ZMAT4: variants seen among roughly 807,000 people sequenced by gnomAD.
The protein encoded by ZMAT4 is zinc finger matrin-type 4.
In ZMAT4, 17 loss-of-function variants were observed where a neutral mutation model predicts 28.7. The observed-to-expected ratio is 0.59, with a 90% confidence interval of 0.41 to 0.89. ZMAT4 has a LOEUF of 0.89. Among genes scored for constraint, ZMAT4 ranks in the 40% least tolerant of loss-of-function variants. The pLI is 0.00. For synonymous variants in ZMAT4, 117 were observed against 109.2 expected, an observed-to-expected ratio of 1.07 and a Z score of -0.44; for missense variants, 240 against 283.8, an observed-to-expected ratio of 0.85 and a Z score of 1.11.
chr8:40,667,549 C>T (rs779548997), intron 5 of ZMAT4, among the ~76,000 whole-genome samples: 11 of 152,172 alleles, frequency 7.2e-5, no homozygotes, highest in Non-Finnish European at 1.2e-4. Context: ...ATCATCTCCA[C>T]GTAAGCAGTT....
intron 2 of ZMAT4, among the ~76,000 whole-genome samples, chr8:40,772,941 A>T (rs190167543): frequency 9.5e-4 from 145 of 152,004 alleles, no homozygotes; most frequent in African/African-American, 3.4e-3. Flanking sequence ...GAGATGAGGG[A>T]CTCCATCACA....
chr8:40,652,749 A>C (rs1277907661), intron 5 of ZMAT4, among the ~76,000 whole-genome samples: 1 of 123,816 alleles, frequency 8.1e-6, no homozygotes. Flanking sequence ...AATACTATGC[A>C]GCCATAAAAA....
chr8:40,553,187 C>A (rs1282911285), intron 6 of ZMAT4, among the ~76,000 whole-genome samples: 1 of 152,188 alleles, frequency 6.6e-6, no homozygotes, highest in Admixed American at 6.5e-5. Context: ...CTCCTGCCCA[C>A]AGCCGTGTGA....
chr8:40,808,717 A>C, intron 2 of ZMAT4: 1 of 260,842 alleles, frequency 3.8e-6, no homozygotes, highest in East Asian at 1.1e-4. Context: ...AAGAGGAAGA[A>C]AAAAAAAAGA....
chr8:40,886,738 CT>C (rs986832805), intron 1 of ZMAT4, among the ~76,000 whole-genome samples: 1 of 152,140 alleles, frequency 6.6e-6, no homozygotes, highest in Non-Finnish European at 1.5e-5. Context: ...ACTCTGCTCC[CT>C]TTTTTTTCCT....
intron 6 of ZMAT4, among the ~76,000 whole-genome samples, chr8:40,572,744 C>G (rs372203505): frequency 7.9e-5 from 12 of 152,122 alleles, no homozygotes; most frequent in East Asian, 7.7e-4. Context: ...AACCTTTAAT[C>G]TCATCAGATA....
At chr8:40,732,582 A>G (rs1331833915) in intron 3 of ZMAT4, among the ~76,000 whole-genome samples, 1 of 152,240 alleles carries the variant, frequency 6.6e-6, no homozygotes, top group Non-Finnish European at 1.5e-5. Context: ...TAAATTACCA[A>G]GATGCCACAG....
chr8:40,692,884 A>T (rs527435092), intron 4 of ZMAT4, among the ~76,000 whole-genome samples: 27 of 150,912 alleles, frequency 1.8e-4, no homozygotes, highest in Middle Eastern at 3.4e-3. Context: ...GATTTATCAT[A>T]AAAAAAAAGA....
chr8:40,868,247 A>T (rs913124978), intron 1 of ZMAT4, among the ~76,000 whole-genome samples: 11 of 152,190 alleles, frequency 7.2e-5, no homozygotes, highest in Admixed American at 6.5e-4. Flanking sequence ...ATTAGACAAA[A>T]TCAAGAGGAC....
At position 40,649,542 on chromosome 8, in the gene ZMAT4, G is replaced by A. The variant is rs999996362; in HGVS notation, c.577+25162C>T. Among the ~76,000 whole-genome samples, 417 of 152,034 alleles carry A rather than the reference G, an allele frequency of 2.7e-3. 2 individuals carry two copies. The highest frequency in any genetic ancestry group is 0.027 in the East Asian group (140 of 5,156). ...GAGACAGAAAGTCAACAAGGATACC[G>A]AGGAATTGAACTCAGCTCTGCACCA... On this transcript the variant is annotated intron_variant, in intron 5 of 6. Transcript: ENST00000297737.
chr8:40,590,681 T>C (rs975718926), intron 5 of ZMAT4, among the ~76,000 whole-genome samples: 2 of 151,350 alleles, frequency 1.3e-5, no homozygotes, highest in Admixed American at 6.6e-5. Context: ...GCACTATTAC[T>C]TCTATCAATA....
chr8:40,811,479 A>C (rs1483952817), intron 2 of ZMAT4, among the ~76,000 whole-genome samples: 1 of 152,200 alleles, frequency 6.6e-6, no homozygotes, highest in African/African-American at 2.4e-5. Flanking sequence ...ATCAGGAGGC[A>C]TTCACAAGAC....
At chr8:40,589,761 T>TTTCTTTCTTTCTTTCTTTCTTTCG (rs1563353958) in intron 5 of ZMAT4, among the ~76,000 whole-genome samples, 1 of 52,870 alleles carries the variant, frequency 1.9e-5, no homozygotes, top group Non-Finnish European at 4.4e-5. Context: ...TCTTTCTTTC[T>TTTCTTTCTTTCTTTCTTTCTTTCG]TTTTCTTTCT....
chr8:40,735,306 G>T (rs1307616633), intron 3 of ZMAT4, among the ~76,000 whole-genome samples: 1 of 152,118 alleles, frequency 6.6e-6, no homozygotes, highest in Admixed American at 6.6e-5. Flanking sequence ...AGGAATAAAA[G>T]ACATGACTTT....
At chr8:40,854,113 G>C (rs1375804133) in intron 1 of ZMAT4, among the ~76,000 whole-genome samples, 1 of 152,140 alleles carries the variant, frequency 6.6e-6, no homozygotes, top group African/African-American at 2.4e-5. Flanking sequence ...ACCATGAAGA[G>C]AGTGCCCCCA....
intron 6 of ZMAT4, among the ~76,000 whole-genome samples, chr8:40,578,255 G>A (rs909368472): frequency 2.0e-5 from 3 of 152,028 alleles, no homozygotes; most frequent in Non-Finnish European, 2.9e-5. Context: ...TACAAAAAAT[G>A]TCTATGATGG....
At chr8:40,801,888 A>C (rs113089875) in intron 2 of ZMAT4, among the ~76,000 whole-genome samples, 5 of 152,174 alleles carry the variant, frequency 3.3e-5, no homozygotes, top group Admixed American at 6.5e-5. Flanking sequence ...ACCACAACCA[A>C]GTGAGATTTG....
At chr8:40,810,433 A>G (rs575777008) in intron 2 of ZMAT4, among the ~76,000 whole-genome samples, 16 of 152,350 alleles carry the variant, frequency 1.1e-4, no homozygotes, top group South Asian at 1.0e-3. Context: ...ACTCATGCAC[A>G]TGTGGGAATT....
At chr8:40,893,507 T>G (rs1818765466) in intron 1 of ZMAT4, among the ~76,000 whole-genome samples, 1 of 152,188 alleles carries the variant, frequency 6.6e-6, no homozygotes, top group African/African-American at 2.4e-5. Flanking sequence ...CCTGGGACAC[T>G]GCAGCATGTT....
Sources: allele counts gnomAD v4.1 joint callset (sites outside exome capture counted in the v4.1 genomes callset), GRCh38; gene constraint gnomAD v4.1.1; transcripts MANE v1.5; gene names NCBI Gene and HGNC (gene_info 2026-07-23, HGNC 2026-07-21).